PLD1: variants seen among roughly 807,000 people sequenced by gnomAD.
The protein encoded by PLD1 is choline phosphatase 1.
In PLD1, 112 loss-of-function variants were observed where a neutral mutation model predicts 137.1. That is an observed-to-expected ratio of 0.82 (90% CI 0.70 to 0.96). The LOEUF (loss-of-function observed/expected upper bound fraction) is 0.96, where lower values mean the gene tolerates loss of function less well. PLD1 is among the 40% of genes least tolerant of loss of function. The pLI is 0.00. For synonymous variants in PLD1, 431 were observed against 454.7 expected, an observed-to-expected ratio of 0.95 and a Z score of 0.66; for missense variants, 1,321 against 1,342.0, an observed-to-expected ratio of 0.98 and a Z score of 0.24.
chr3:171,700,268 C>A (rs1191487031), intron 11 of PLD1, among the ~76,000 whole-genome samples: 1 of 151,728 alleles, frequency 6.6e-6, no homozygotes. Context: ...TGAGGAGGTA[C>A]ACAGGGGCTT....
intron 23 of PLD1, among the ~76,000 whole-genome samples, chr3:171,620,770 T>TATATA (rs1733564169): frequency 1.2e-4 from 13 of 107,108 alleles, no homozygotes; most frequent in African/African-American, 5.2e-4. Flanking sequence ...ATATATATAT[T>TATATA]ATATATATTT....
At position 171,713,997 on chromosome 3, in the gene PLD1, G is replaced by A. The variant is rs146296743; in HGVS notation, c.807C>T (p.Ser269=). Reference sequence around the variant, plus strand: ...CCAGCAGGACGAAGGCAATGGCACCGCTGTCTGGTTTCATATACAATAAAA... The same window carrying A: ...CCAGCAGGACGAAGGCAATGGCACCACTGTCTGGTTTCATATACAATAAAA... ...DSFLLYMKPD[S]GAIAFVLLVD... The change falls in exon 9 of 27, where the codon AGC becomes AGT. Residue 269 remains serine (S), a synonymous_variant. Transcript: ENST00000351298. 36 of 1,606,310 alleles carry A rather than the reference G, an allele frequency of 2.2e-5. No individual in the cohort carries two copies. The highest frequency in any genetic ancestry group is 8.0e-5 in the African/African-American group (6 of 74,760).
intron 1 of PLD1, among the ~76,000 whole-genome samples, chr3:171,781,298 C>T (rs750992623): frequency 6.6e-6 from 1 of 151,440 alleles, no homozygotes; most frequent in Non-Finnish European, 1.5e-5. Context: ...TCAACCATGA[C>T]CTCACACCAC....
rs915153672 is a variant in PLD1, at chr3:171,692,227, T to C, written c.1338+105A>G. The C allele has an allele frequency of 2.3e-5, 14 of 609,726 alleles. No individual in the cohort carries two copies. The South Asian group carries it at 2.5e-4, about 11-fold the overall frequency. 37.8% of individuals were successfully genotyped at this position (609,726 alleles called of 1,614,324 possible). On this transcript the variant is annotated intron_variant, in intron 13 of 26. Coordinates refer to ENST00000351298, the MANE Select transcript of PLD1 (RefSeq NM_002662.5). ...GGACACAATGCTATTTGATCAAATA[T>C]ACATTTGGGCATTCTATAGATTATT... is the stretch of plus-strand genomic sequence containing the variant.
At chr3:171,780,298 C>T (rs1722748199) in intron 1 of PLD1, among the ~76,000 whole-genome samples, 1 of 151,478 alleles carries the variant, frequency 6.6e-6, no homozygotes, top group Admixed American at 6.6e-5. Flanking sequence ...ATCCATAAGT[C>T]TAACATTCAG....
At chr3:171,708,646 A>G in intron 11 of PLD1, 109 bp downstream of exon 11, 1 of 641,510 alleles carries the variant, frequency 1.6e-6, no homozygotes, top group South Asian at 2.2e-5. Flanking sequence ...CAAACCATCC[A>G]CAGATACAGC....
intron 15 of PLD1, among the ~76,000 whole-genome samples, chr3:171,687,111 C>G (rs1714644430): frequency 6.6e-6 from 1 of 152,068 alleles, no homozygotes; most frequent in Non-Finnish European, 1.5e-5. Flanking sequence ...TTTTAGAAAC[C>G]CTTTGTCATT....
intron 6 of PLD1, among the ~76,000 whole-genome samples, chr3:171,733,235 G>T (rs534634899): frequency 2.4e-4 from 37 of 152,216 alleles, no homozygotes; most frequent in Non-Finnish European, 4.3e-4. Context: ...GACATATTAA[G>T]TTCTACTCAA....
intron 23 of PLD1, among the ~76,000 whole-genome samples, chr3:171,629,771 C>T (rs1288701550): frequency 6.6e-6 from 1 of 152,130 alleles, no homozygotes; most frequent in Non-Finnish European, 1.5e-5. Flanking sequence ...GAAAGGATTC[C>T]CTATTCAATA....
chr3:171,631,302 A>T (rs1388204179), intron 23 of PLD1, among the ~76,000 whole-genome samples: 1 of 152,172 alleles, frequency 6.6e-6, no homozygotes, highest in Admixed American at 6.6e-5. Context: ...AAGGTTGAGG[A>T]TATACATAAA....
intron 24 of PLD1, among the ~76,000 whole-genome samples, chr3:171,613,446 T>C (rs911415857): frequency 6.6e-6 from 1 of 152,188 alleles, no homozygotes; most frequent in African/African-American, 2.4e-5. Flanking sequence ...GAGTTAAGAA[T>C]CAGGCTCTCT....
intron 16 of PLD1, 43 bp downstream of exon 16, chr3:171,686,642 A>T (rs1307968307): frequency 9.7e-7 from 1 of 1,031,688 alleles, no homozygotes; most frequent in Non-Finnish European, 1.5e-6. Context: ...ACACAACCAA[A>T]GCTCAAGCCT....
At chr3:171,805,119 T>C (rs1723794997) in intron 1 of PLD1, among the ~76,000 whole-genome samples, 1 of 152,242 alleles carries the variant, frequency 6.6e-6, no homozygotes, top group Non-Finnish European at 1.5e-5. Context: ...TCTCTCTTTC[T>C]TAACAAAAGA....
chr3:171,786,939 C>T (rs13068144), intron 1 of PLD1, among the ~76,000 whole-genome samples: 9,763 of 152,210 alleles, frequency 0.064, 417 homozygotes, highest in Non-Finnish European at 0.098. Context: ...CTCCCTTCAT[C>T]GGTAAGTTAT....
At chr3:171,726,716 GA>G (rs1718544473) in intron 6 of PLD1, among the ~76,000 whole-genome samples, 1 of 152,196 alleles carries the variant, frequency 6.6e-6, no homozygotes, top group Non-Finnish European at 1.5e-5. Context: ...CACTGTATTA[GA>G]AGGTTAAAAA....
At chr3:171,776,758 G>C (rs527874884) in intron 1 of PLD1, among the ~76,000 whole-genome samples, 1 of 152,048 alleles carries the variant, frequency 6.6e-6, no homozygotes, top group East Asian at 1.9e-4. Flanking sequence ...ACTTTTACAA[G>C]GTTATTCTTA....
intron 16 of PLD1, among the ~76,000 whole-genome samples, chr3:171,683,460 G>A (rs938247868): frequency 6.6e-5 from 10 of 152,000 alleles, no homozygotes; most frequent in African/African-American, 1.7e-4. Context: ...CACTACAGCC[G>A]TATTCCTGGA....
intron 23 of PLD1, among the ~76,000 whole-genome samples, chr3:171,630,868 G>A (rs1274435370): frequency 1.1e-4 from 13 of 118,612 alleles, no homozygotes; most frequent in Admixed American, 3.2e-4. Context: ...CTGTTGTGGG[G>A]TGGGGGGAGG....
intron 16 of PLD1, among the ~76,000 whole-genome samples, chr3:171,682,719 C>G (rs138319470): frequency 6.6e-6 from 1 of 152,018 alleles, no homozygotes. Flanking sequence ...AAAACAGATA[C>G]AAGTGGGATT....
Sources: allele counts gnomAD v4.1 joint callset (sites outside exome capture counted in the v4.1 genomes callset), GRCh38; gene constraint gnomAD v4.1.1; transcripts MANE v1.5; gene names NCBI Gene and HGNC (gene_info 2026-07-23, HGNC 2026-07-21).